The following KIF6 variants were observed in gnomAD, a reference collection of about 807,000 sequenced individuals.
KIF6 encodes the protein kinesin-like protein KIF6.
In KIF6, 106 loss-of-function variants were observed where a neutral mutation model predicts 112.7. That is an observed-to-expected ratio of 0.94 (90% confidence interval 0.80 to 1.11). The LOEUF is 1.11. KIF6 is among the 50% of genes least tolerant of loss of function. KIF6 has a pLI of 0.00. For synonymous variants in KIF6, 339 were observed against 339.9 expected (o/e 1.00, Z 0.03); for missense variants, 929 against 964.0 (o/e 0.96, Z 0.48).
chr6:39,577,051 T>C (rs905859465), intron 10 of KIF6, among the ~76,000 whole-genome samples: 1 of 152,224 alleles, frequency 6.6e-6, no homozygotes, highest in African/African-American at 2.4e-5. Flanking sequence ...AAAACTTTTT[T>C]TAAAGTGAAT....
At chr6:39,546,860 T>C (rs575227680) in intron 10 of KIF6, among the ~76,000 whole-genome samples, 43 of 151,336 alleles carry the variant, frequency 2.8e-4, no homozygotes, top group Middle Eastern at 3.4e-3. Context: ...AGTTTATTCA[T>C]AGCACCACGT....
intron 3 of KIF6, among the ~76,000 whole-genome samples, chr6:39,713,241 T>C (rs1206635417): frequency 6.6e-6 from 1 of 152,088 alleles, no homozygotes; most frequent in African/African-American, 2.4e-5. Flanking sequence ...GTGAACAAAG[T>C]ATTTGGAGGA....
intron 6 of KIF6, among the ~76,000 whole-genome samples, chr6:39,601,163 T>C (rs1582241957): frequency 6.6e-6 from 1 of 152,118 alleles, no homozygotes; most frequent in Admixed American, 6.6e-5. Context: ...ATCTTGTACA[T>C]AATGTTCCCA....
At chr6:39,538,983 T>G (rs1311687248) in intron 13 of KIF6, among the ~76,000 whole-genome samples, 1 of 148,066 alleles carries the variant, frequency 6.8e-6, no homozygotes, top group East Asian at 2.1e-4. Context: ...AACCAAACAC[T>G]GCATGTTCTC....
intron 6 of KIF6, among the ~76,000 whole-genome samples, chr6:39,603,514 A>G (rs1038969313): frequency 6.6e-6 from 1 of 151,698 alleles, no homozygotes; most frequent in Non-Finnish European, 1.5e-5. Flanking sequence ...AAATTTGAAA[A>G]TAAATGGTGA....
intron 2 of KIF6, 48 bp downstream of exon 2, chr6:39,720,654 T>A (rs760031079): frequency 1.1e-6 from 1 of 949,532 alleles, no homozygotes; most frequent in South Asian, 1.3e-5. Flanking sequence ...GTACAAGAGT[T>A]AGTTCAATAA....
intron 3 of KIF6, among the ~76,000 whole-genome samples, chr6:39,673,119 C>T (rs544740180): frequency 4.6e-5 from 7 of 152,240 alleles, no homozygotes; most frequent in East Asian, 3.9e-4. Flanking sequence ...TGCTGGTGTC[C>T]GCCACCACCA....
At chr6:39,595,099 A>G (rs1051933955) in intron 7 of KIF6, among the ~76,000 whole-genome samples, 8 of 152,204 alleles carry the variant, frequency 5.3e-5, no homozygotes, top group Admixed American at 3.3e-4. Flanking sequence ...AGAAGTAGGA[A>G]GGGAAAGCTA....
chr6:39,588,662 A>G (rs1332984196), intron 7 of KIF6, among the ~76,000 whole-genome samples: 3 of 152,204 alleles, frequency 2.0e-5, no homozygotes, highest in African/African-American at 7.2e-5. Context: ...TCTGCCCCCA[A>G]GCCTGATTCT....
chr6:39,543,947 G>T (rs1359074540), intron 12 of KIF6, among the ~76,000 whole-genome samples: 1 of 152,052 alleles, frequency 6.6e-6, no homozygotes, highest in East Asian at 1.9e-4. Flanking sequence ...CTAAAAAAAA[G>T]AATTCTATCT....
chr6:39,664,941 G>A (rs1786380408), intron 3 of KIF6, among the ~76,000 whole-genome samples: 1 of 152,068 alleles, frequency 6.6e-6, no homozygotes, highest in East Asian at 1.9e-4. Flanking sequence ...ACATTTCATA[G>A]GTCATTTTAC....
chr6:39,493,331 G>C (rs538308618), intron 13 of KIF6, among the ~76,000 whole-genome samples: 27 of 152,336 alleles, frequency 1.8e-4, no homozygotes, highest in African/African-American at 6.3e-4. Context: ...TTACCATAAA[G>C]TGGTTAAGTG....
chr6:39,367,878 A>C (rs957558287), intron 16 of KIF6, among the ~76,000 whole-genome samples: 3 of 152,162 alleles, frequency 2.0e-5, no homozygotes, highest in African/African-American at 4.8e-5. Context: ...GAATCACTTA[A>C]GGAGCTTGTA....
At chr6:39,605,476 T>C (rs147724162) in intron 6 of KIF6, among the ~76,000 whole-genome samples, 1,561 of 152,166 alleles carry the variant, frequency 0.01, 27 homozygotes, top group African/African-American at 0.035. Context: ...CTACATACCT[T>C]GGGATTATAG....
At chr6:39,408,178 A>G (rs1375372503) in intron 15 of KIF6, among the ~76,000 whole-genome samples, 1 of 152,178 alleles carries the variant, frequency 6.6e-6, no homozygotes, top group African/African-American at 2.4e-5. Flanking sequence ...ACGAAATGCC[A>G]TATTTTGCTC....
intron 19 of KIF6, among the ~76,000 whole-genome samples, chr6:39,348,463 A>G (rs951442564): frequency 6.6e-6 from 1 of 152,110 alleles, no homozygotes; most frequent in Non-Finnish European, 1.5e-5. Flanking sequence ...ATGACTCCTC[A>G]AACCTGTAAG....
At chr6:39,702,739 G>A (rs757572971) in intron 3 of KIF6, among the ~76,000 whole-genome samples, 1 of 152,134 alleles carries the variant, frequency 6.6e-6, no homozygotes, top group Non-Finnish European at 1.5e-5. Context: ...CTTTAAGAAA[G>A]TTAGACTTAT....
chr6:39,558,804 T>C (rs1779858100), intron 10 of KIF6, among the ~76,000 whole-genome samples: 1 of 152,206 alleles, frequency 6.6e-6, no homozygotes, highest in South Asian at 2.1e-4. Context: ...TCATCCTTTT[T>C]AAATTTGCTT....
At chr6:39,471,448 A>G (rs760046558) in intron 13 of KIF6, among the ~76,000 whole-genome samples, 8 of 152,142 alleles carry the variant, frequency 5.3e-5, no homozygotes, top group Non-Finnish European at 1.2e-4. Flanking sequence ...GGGCAAGGAC[A>G]CTGGTCACAG....
Sources: gnomAD v4.1 joint callset for allele counts (sites outside exome capture counted in the v4.1 genomes callset) on GRCh38, gnomAD v4.1.1 for gene constraint, MANE v1.5 for transcripts, NCBI Gene and HGNC (gene_info 2026-07-23, HGNC 2026-07-21) for gene names.